The following GRXCR1 variants were observed in gnomAD, a reference collection of about 807,000 sequenced individuals.
The protein encoded by GRXCR1 is glutaredoxin and cysteine rich domain containing 1.
Under a neutral mutation model 27.3 loss-of-function variants are expected in GRXCR1, and 27 were observed. The ratio of observed to expected loss-of-function variants is 0.99; its 90% CI spans 0.73 to 1.37. GRXCR1 has a LOEUF of 1.37. Among genes scored for constraint, GRXCR1 ranks in the 40% most tolerant of loss-of-function variants. GRXCR1 has a pLI of 0.00. For missense variants in GRXCR1, 379 were observed against 354.4 expected (o/e 1.07, Z -0.56); for synonymous variants, 122 against 131.1 (o/e 0.93, Z 0.47).
chr4:42,913,503 G>T (rs1042058401), intron 1 of GRXCR1, among the ~76,000 whole-genome samples: 21 of 152,194 alleles, frequency 1.4e-4, no homozygotes, highest in African/African-American at 5.1e-4. Context: ...AAATGATTTA[G>T]ATTTAGGTTA....
rs115243768 is a variant in GRXCR1, at chr4:42,912,002, G to A, written c.384+18352G>A. Among the ~76,000 whole-genome samples the A allele has an allele frequency of 3.8e-3, 579 of 152,214 alleles. 1 individual carries two copies. The highest frequency in any genetic ancestry group is 0.013 in the African/African-American group (557 of 41,562). On this transcript the variant is annotated intron_variant, in intron 1 of 3. Transcript: ENST00000399770. ...ATTGGAAAGCTGTTCTGAGTTCTTA[G>A]TGAGGATTCAAAAAGTGAGCCAGTA...
intron 2 of GRXCR1, among the ~76,000 whole-genome samples, chr4:42,979,331 G>A (rs1194238687): frequency 2.6e-5 from 4 of 151,862 alleles, no homozygotes; most frequent in African/African-American, 4.8e-5. Context: ...TGTGATATAC[G>A]GCCTTTAGTG....
intron 3 of GRXCR1, among the ~76,000 whole-genome samples, chr4:43,025,055 A>C (rs1379460940): frequency 1.3e-5 from 2 of 152,206 alleles, no homozygotes; most frequent in African/African-American, 2.4e-5. Context: ...GAAGACATGA[A>C]GACTCTTGAT....
chr4:43,021,884 A>G (rs1713103843), intron 3 of GRXCR1, among the ~76,000 whole-genome samples: 1 of 152,146 alleles, frequency 6.6e-6, no homozygotes, highest in South Asian at 2.1e-4. Context: ...TATGACTTGG[A>G]AATCAGAAGA....
Position 42,893,142 on chromosome 4 carries a change from A to T in GRXCR1, c.-125A>T. ...TCCTTGGGAATCTTCTTTCCTTTTG[A>T]TGTTAGTTTCACAGGAGTGCTGCCA... On this transcript the variant is annotated 5_prime_UTR_variant, in exon 1 of 4. The change abolishes an upstream ATG in the 5' untranslated region. Coordinates refer to ENST00000399770, the MANE Select transcript of GRXCR1 (RefSeq NM_001080476.3). The T allele has an allele frequency of 1.0e-6, 1 of 992,932 alleles. No homozygotes were observed. The allele number at this position is 992,932 out of a possible 1,614,324, so 61.5% of individuals were successfully genotyped here.
chr4:42,963,725 T>C (rs1168394733), intron 2 of GRXCR1, among the ~76,000 whole-genome samples: 2 of 151,938 alleles, frequency 1.3e-5, no homozygotes, highest in East Asian at 3.9e-4. Context: ...TTGAATAATA[T>C]TGTTAGTGTA....
intron 1 of GRXCR1, among the ~76,000 whole-genome samples, chr4:42,912,991 C>T (rs1179623219): frequency 6.6e-6 from 1 of 152,162 alleles, no homozygotes; most frequent in Non-Finnish European, 1.5e-5. Flanking sequence ...ACTTGGCACT[C>T]ATTCTCTGTC....
intron 2 of GRXCR1, among the ~76,000 whole-genome samples, chr4:43,000,398 C>T (rs906065677): frequency 2.7e-5 from 4 of 148,794 alleles, no homozygotes; most frequent in Non-Finnish European, 5.9e-5. Context: ...ATCGCTTGAA[C>T]CAGGGACTAG....
intron 2 of GRXCR1, among the ~76,000 whole-genome samples, chr4:42,976,811 T>C (rs1321425326): frequency 6.6e-6 from 1 of 152,008 alleles, no homozygotes; most frequent in Admixed American, 6.6e-5. Flanking sequence ...ATTATCATTT[T>C]TGTGGGGAGA....
chr4:42,978,480 T>G (rs1279628410), intron 2 of GRXCR1, among the ~76,000 whole-genome samples: 1 of 152,070 alleles, frequency 6.6e-6, no homozygotes, highest in Non-Finnish European at 1.5e-5. Context: ...CAATTTCTTT[T>G]GTGATTGTTC....
At chr4:43,027,034 T>G (rs966036584) in intron 3 of GRXCR1, among the ~76,000 whole-genome samples, 5 of 152,212 alleles carry the variant, frequency 3.3e-5, no homozygotes, top group Non-Finnish European at 7.3e-5. Context: ...ATGGAACAAG[T>G]GTTTAAATTG....
At chr4:42,979,713 G>C (rs991419258) in intron 2 of GRXCR1, among the ~76,000 whole-genome samples, 1 of 151,928 alleles carries the variant, frequency 6.6e-6, no homozygotes, top group South Asian at 2.1e-4. Flanking sequence ...TATTGGAAGA[G>C]ATTTTTTTGG....
chr4:43,002,983 G>C (rs933382042), intron 2 of GRXCR1, among the ~76,000 whole-genome samples: 1 of 152,192 alleles, frequency 6.6e-6, no homozygotes, highest in Non-Finnish European at 1.5e-5. Flanking sequence ...AAGATAGTGA[G>C]TGAGTGCTCA....
chr4:42,968,362 A>G (rs1233276920), intron 2 of GRXCR1, among the ~76,000 whole-genome samples: 3 of 152,142 alleles, frequency 2.0e-5, no homozygotes, highest in African/African-American at 7.2e-5. Context: ...CAATTGGTCT[A>G]CTTTCTGGCA....
chr4:42,919,974 T>C (rs923237957), intron 1 of GRXCR1, among the ~76,000 whole-genome samples: 1 of 152,168 alleles, frequency 6.6e-6, no homozygotes, highest in African/African-American at 2.4e-5. Context: ...GTAGAGTTTC[T>C]GCTCTGTGCA....
intron 1 of GRXCR1, among the ~76,000 whole-genome samples, chr4:42,942,370 A>G (rs1747645036): frequency 1.3e-5 from 2 of 152,094 alleles, no homozygotes; most frequent in Admixed American, 6.6e-5. Flanking sequence ...AATAAGGCAC[A>G]GTAGTTACCT....
intron 2 of GRXCR1, among the ~76,000 whole-genome samples, chr4:42,983,628 T>G (rs1487930516): frequency 6.6e-6 from 1 of 152,138 alleles, no homozygotes; most frequent in Non-Finnish European, 1.5e-5. Flanking sequence ...TGGCATTGAA[T>G]CTGTAAATTA....
chr4:43,002,186 C>T (rs1478580160), intron 2 of GRXCR1, among the ~76,000 whole-genome samples: 2 of 152,184 alleles, frequency 1.3e-5, no homozygotes, highest in African/African-American at 4.8e-5. Context: ...TCCTCTTTTA[C>T]TAATCCACCT....
chr4:42,999,902 A>G (rs1712293908), intron 2 of GRXCR1, among the ~76,000 whole-genome samples: 1 of 152,336 alleles, frequency 6.6e-6, no homozygotes, highest in Admixed American at 6.5e-5. Context: ...GCTGGAATTT[A>G]GTTTCTGGTT....
Sources: gnomAD v4.1 joint callset for allele counts (sites outside exome capture counted in the v4.1 genomes callset) on GRCh38, gnomAD v4.1.1 for gene constraint, MANE v1.5 for transcripts, NCBI Gene and HGNC (gene_info 2026-07-23, HGNC 2026-07-21) for gene names.